Variants in TRIM50 observed in about 807,000 individuals in gnomAD.
TRIM50 encodes the protein tripartite motif containing 50.
In TRIM50, 34 loss-of-function variants were observed where a neutral mutation model predicts 44.9. The observed-to-expected ratio is 0.76, with a 90% CI of 0.58 to 1.01. TRIM50 has a LOEUF of 1.01. Among genes scored for constraint, TRIM50 ranks in the 50% least tolerant of loss-of-function variants. The pLI is 0.00. For missense variants in TRIM50, 633 were observed against 663.7 expected (o/e 0.95, Z 0.51); for synonymous variants, 307 against 291.1 (o/e 1.05, Z -0.56).
chr7:73,325,899 G>C (rs1443248722), intron 1 of TRIM50, among the ~76,000 whole-genome samples: 1 of 146,034 alleles, frequency 6.8e-6, no homozygotes, highest in African/African-American at 2.5e-5. Flanking sequence ...GGGCTGGGGG[G>C]TGGGGAAAGA....
Position 73,324,780 on chromosome 7 carries a change from C to T in TRIM50, c.8G>A (p.Trp3Ter), listed in dbSNP as rs1804585507. 6.2e-7 allele frequency: 1 copy of T among 1,613,744 alleles called. No homozygotes were observed. The highest frequency in any genetic ancestry group is 1.3e-5 in the African/African-American group (1 of 74,904). Residue 3 changes from tryptophan (W) to a stop codon, truncating the protein, a stop_gained, in exon 2 of 7, where the codon TGG (tryptophan) becomes TAG (stop). Transcript: ENST00000333149. LOFTEE classifies it high-confidence loss of function. MA[W>*]QVSLPELEDR... is the part of the protein sequence containing the mutation. ...CTCCAGCTCTGGCAGGCTCACCTGC[C>T]AAGCCATCCACACTCACTGCCCGGG...
chr7:73,323,956 C>T (rs1804551815), intron 2 of TRIM50, among the ~76,000 whole-genome samples: 1 of 152,058 alleles, frequency 6.6e-6, no homozygotes, highest in South Asian at 2.1e-4. Flanking sequence ...GGGAGGATTG[C>T]TTCAGCCTAG....
In TRIM50 at chr7:73,318,988, T is replaced by C; in HGVS notation, c.560A>G (p.Asp187Gly). Reference protein sequence around the residue: ...REFQELHHLVDEEKARCLEGI... With the variant: ...REFQELHHLVGEEKARCLEGI... The stretch of plus-strand genomic sequence containing the variant: ...CTCCAGGCAGCGGGCCTTCTCCTCA[T>C]CCACCAGGTGGTGCAGCTCCTGGAA... Residue 187 changes from aspartate (D) to glycine (G), a missense_variant, in exon 4 of 7, where the codon GAT (aspartate) becomes GGT (glycine). Transcript: ENST00000333149. 6.2e-7 allele frequency: 1 copy of C among 1,614,026 alleles called. No individual in the cohort carries two copies. Among genetic ancestry groups the C allele is most frequent in the Non-Finnish European group, 8.5e-7 (1 of 1,179,858 alleles).
At chr7:73,315,031 C>A in intron 6 of TRIM50, 2 of 355,836 alleles carry the variant, frequency 5.6e-6, no homozygotes, top group Non-Finnish European at 5.4e-6. Context: ...CGCCTTCACA[C>A]AGGTTAACTT....
Position 73,312,888 on chromosome 7 carries a change from T to C in TRIM50, c.*33A>G. 1 of 1,476,696 alleles carries C rather than the reference T, an allele frequency of 6.8e-7. No individual in the cohort carries two copies. Among genetic ancestry groups the C allele is most frequent in the Non-Finnish European group, 9.0e-7 (1 of 1,111,588 alleles). The allele number at this position is 1,476,696 out of a possible 1,614,324, so 91.5% of individuals were successfully genotyped here. ...GCGAGTCCCCGGTGCCCCGCCGGGA[T>C]GGGCCTGTGGGCCGGCAGGACTCCG... On this transcript the variant is annotated 3_prime_UTR_variant, in exon 7 of 7. Coordinates refer to ENST00000333149, the MANE Select transcript of TRIM50 (RefSeq NM_178125.3).
chr7:73,324,832 C>T (rs1554545770), intron 1 of TRIM50, 27 bp from the exon 2 acceptor site: 1 of 1,611,212 alleles, frequency 6.2e-7, no homozygotes, highest in Non-Finnish European at 8.5e-7. Flanking sequence ...CGACCTCAGT[C>T]CTGTCCCCTC....
Position 73,316,581 on chromosome 7 carries a change from G to C in TRIM50, c.858C>G (p.Phe286Leu), listed in dbSNP as rs145677183. 1.2e-6 allele frequency: 2 copies of C among 1,614,206 alleles called. No homozygotes were observed. The highest frequency in any genetic ancestry group is 1.7e-6 in the Non-Finnish European group (2 of 1,180,038). ...GGGCCTCACCTGGCAAAACTTTCCG[G>C]AAGAGCCTTTTCCACACGGTCAGCT... ...DIKLTVWKRLFRKVLPAPEPL... is the reference protein window; with the variant it reads ...DIKLTVWKRLLRKVLPAPEPL... Residue 286 changes from phenylalanine (F) to leucine (L), a missense_variant, in exon 6 of 7, where the codon TTC (phenylalanine) becomes TTG (leucine). By Grantham distance (22) the Phe-to-Leu change is conservative (BLOSUM62 0). Transcript: ENST00000333149.
chr7:73,319,042 T>G lies in TRIM50; in HGVS notation c.506A>C (p.Asp169Ala). 6.2e-7 allele frequency: 1 copy of G among 1,613,908 alleles called. No individual in the cohort carries two copies. Among genetic ancestry groups the G allele is most frequent in the Non-Finnish European group, 8.5e-7 (1 of 1,179,838 alleles). Residue 169 changes from aspartate (D) to alanine (A), a missense_variant, in exon 4 of 7, where the codon GAT (aspartate) becomes GCT (alanine). By Grantham distance (126) the Asp-to-Ala change is moderately radical (BLOSUM62 -2). Transcript: ENST00000333149. ...GCGGCGGATCACCCAGCTGAAGACA[T>G]CCGACTCATTCTGGGACAGGGAGGG... ...NNRTRIVNES[D>A]VFSWVIRREF...
In TRIM50 at chr7:73,313,534, C is replaced by T; in HGVS notation, c.875-24G>A. On this transcript the variant is annotated intron_variant, in intron 6 of 6. Transcript: ENST00000333149. The surrounding 1 kb of genome is among the most constrained non-coding windows in gnomAD (Gnocchi z 4.9). ...GGCTGGGAGGGAGATCACAGAGGGT[C>T]TGTGAGGCCACGTGGAGGGCAGCAG... 1 of 1,467,996 alleles carries T rather than the reference C, an allele frequency of 6.8e-7. No individual in the cohort carries two copies. Among genetic ancestry groups the T allele is most frequent in the Non-Finnish European group, 9.0e-7 (1 of 1,110,870 alleles). The allele number at this position is 1,467,996 out of a possible 1,614,324, so 90.9% of individuals were successfully genotyped here.
intron 3 of TRIM50, among the ~76,000 whole-genome samples, chr7:73,319,744 G>A (rs2463283): frequency 2.4e-4 from 36 of 152,190 alleles, no homozygotes; most frequent in African/African-American, 8.4e-4. Context: ...CTCTCACTTC[G>A]GGAGATCAGC....
At chr7:73,327,141 A>T in intron 1 of TRIM50, among the ~76,000 whole-genome samples, 1 of 151,560 alleles carries the variant, frequency 6.6e-6, no homozygotes, top group East Asian at 2.0e-4. Context: ...TGTGGTTTGA[A>T]TGTATCCTCC....
chr7:73,324,335 C>T, intron 2 of TRIM50, 54 bp downstream of exon 2: 1 of 1,613,046 alleles, frequency 6.2e-7, no homozygotes, highest in Non-Finnish European at 8.5e-7. Flanking sequence ...CCAGAGAGCA[C>T]AGGATCTGGT....
At position 73,327,983 on chromosome 7, in the gene TRIM50, A is replaced by G. The variant is rs1804681542; in HGVS notation, c.-102T>C. The stretch of plus-strand genomic sequence containing the variant: ...CCATCCTGCCCCGCGAGCTCCAATT[A>G]CGTGCCCCACCTAACCCCCCACGTC... On this transcript the variant is annotated 5_prime_UTR_variant, in exon 1 of 7. Coordinates refer to ENST00000333149, the MANE Select transcript of TRIM50 (RefSeq NM_178125.3). The G allele has an allele frequency of 7.0e-6, 4 of 574,810 alleles. No homozygotes were observed. The highest frequency in any genetic ancestry group is 1.2e-5 in the Non-Finnish European group (4 of 321,490). The allele number at this position is 574,810 out of a possible 1,614,324, so 35.6% of individuals were successfully genotyped here.
At chr7:73,325,735 G>A (rs1300978676) in intron 1 of TRIM50, among the ~76,000 whole-genome samples, 1 of 152,236 alleles carries the variant, frequency 6.6e-6, no homozygotes, top group Non-Finnish European at 1.5e-5. Context: ...TAACATTCAG[G>A]TGCTGGCCTT....
intron 1 of TRIM50, among the ~76,000 whole-genome samples, chr7:73,325,080 C>G (rs1402865701): frequency 6.6e-6 from 1 of 150,748 alleles, no homozygotes; most frequent in Non-Finnish European, 1.5e-5. Flanking sequence ...AATTTGGAGA[C>G]AAGCATGAAA....
rs554755218 is a variant in TRIM50 at position 73,324,419 on chromosome 7, C to T, written c.369G>A (p.Thr123=). The T allele has an allele frequency of 6.8e-6, 11 of 1,613,714 alleles. No homozygotes were observed. Among genetic ancestry groups the T allele is most frequent in the South Asian group, 4.4e-5 (4 of 91,048 alleles). The part of the protein sequence containing the change: ...LLGSHQHHPV[T]PVSTVYSRMK... ...TGCGGCTGTAGACGGTGGAGACGGGCGTGACCGGGTGGTGTTGGTGGGAGC... is the reference window on the plus strand; with the variant it reads ...TGCGGCTGTAGACGGTGGAGACGGGTGTGACCGGGTGGTGTTGGTGGGAGC... The change falls in exon 2 of 7, where the codon ACG becomes ACA. Residue 123 remains threonine, a synonymous_variant. Coordinates refer to ENST00000333149, the MANE Select transcript of TRIM50 (RefSeq NM_178125.3).
chr7:73,318,423 T>A (rs1475144016), intron 5 of TRIM50, among the ~76,000 whole-genome samples: 1 of 152,174 alleles, frequency 6.6e-6, no homozygotes, highest in Admixed American at 6.5e-5. Flanking sequence ...AGGCATGAGC[T>A]ACCCTCCTCT....
At chr7:73,319,250 A>AC (rs1804437204) in intron 3 of TRIM50, among the ~76,000 whole-genome samples, 198 bp from the exon 4 acceptor site, 1 of 150,934 alleles carries the variant, frequency 6.6e-6, no homozygotes, top group Non-Finnish European at 1.5e-5. Context: ...GGGGAGGGTG[A>AC]CCCCAGCTCC....
chr7:73,323,948 G>T (rs1189421412), intron 2 of TRIM50, among the ~76,000 whole-genome samples: 1 of 152,142 alleles, frequency 6.6e-6, no homozygotes, highest in Non-Finnish European at 1.5e-5. Flanking sequence ...GCTGAGGTGG[G>T]AGGATTGCTT....
Sources: gnomAD v4.1 joint callset for allele counts (sites outside exome capture counted in the v4.1 genomes callset) on GRCh38, gnomAD v4.1.1 for gene constraint, Gnocchi (gnomAD v3.1) non-coding constraint, MANE v1.5 for transcripts, NCBI Gene and HGNC (gene_info 2026-07-23, HGNC 2026-07-21) for gene names.